The following ABTB2 variants were observed in gnomAD, a reference collection of about 807,000 sequenced individuals.
ABTB2 encodes the protein ankyrin repeat and BTB/POZ domain-containing protein 2.
ABTB2 carries 56 observed loss-of-function variants against 104.1 expected under a neutral mutation model. The observed-to-expected ratio is 0.54, with a 90% CI of 0.43 to 0.67. The LOEUF is 0.67. Among genes scored for constraint, ABTB2 ranks in the 30% least tolerant of loss-of-function variants. The pLI is 0.00. For synonymous variants in ABTB2, 606 were observed against 608.2 expected (o/e 1.00, Z 0.05); for missense variants, 1,279 against 1,407.7 (o/e 0.91, Z 1.46).
At chr11:34,329,336 C>T (rs1026801886) in intron 1 of ABTB2, among the ~76,000 whole-genome samples, 13 of 152,138 alleles carry the variant, frequency 8.5e-5, no homozygotes, top group African/African-American at 3.1e-4. Flanking sequence ...TTTTCCACTC[C>T]ACTTCCTTCC....
chr11:34,278,585 C>T (rs897272741), intron 1 of ABTB2, among the ~76,000 whole-genome samples: 3 of 152,130 alleles, frequency 2.0e-5, no homozygotes, highest in African/African-American at 7.2e-5. Flanking sequence ...ATGTGCTGGC[C>T]TCCATTTTGA....
chr11:34,346,633 T>G (rs1855335684), intron 1 of ABTB2, among the ~76,000 whole-genome samples: 1 of 152,188 alleles, frequency 6.6e-6, no homozygotes, highest in African/African-American at 2.4e-5. Context: ...GGAAAATGAC[T>G]GCACAGTGTC....
chr11:34,334,831 G>A (rs1267826482), intron 1 of ABTB2, among the ~76,000 whole-genome samples: 1 of 151,370 alleles, frequency 6.6e-6, no homozygotes, highest in East Asian at 1.9e-4. Context: ...TTAAAACTGA[G>A]GCCTTTTTCC....
At position 34,165,243 on chromosome 11, in the gene ABTB2, G is replaced by A. The variant is rs760247493; in HGVS notation, c.1852+17C>T. 1.9e-5 allele frequency: 30 copies of A among 1,539,394 alleles called. No homozygotes were observed. In the Admixed American group the frequency reaches 2.4e-4, roughly 12 times the overall value. On this transcript the variant is annotated intron_variant, in intron 8 of 16. Coordinates refer to ENST00000435224, the MANE Select transcript of ABTB2 (RefSeq NM_145804.3). ...GCAGGGAAGGGTAGACAGAGCCTCC[G>A]GGTAGCAGGTGCCTACCTGCCGCAG...
chr11:34,206,141 C>G (rs761073426), intron 1 of ABTB2, among the ~76,000 whole-genome samples: 1 of 152,184 alleles, frequency 6.6e-6, no homozygotes, highest in East Asian at 1.9e-4. Flanking sequence ...GGGTAAATCA[C>G]TTGAGGTCAG....
intron 5 of ABTB2, among the ~76,000 whole-genome samples, chr11:34,168,238 C>T (rs781050577): frequency 2.7e-4 from 41 of 152,336 alleles, no homozygotes; most frequent in Non-Finnish European, 5.0e-4. Flanking sequence ...CAGCCAGGCT[C>T]GGTGCCAAGG....
chr11:34,204,466 G>T, intron 2 of ABTB2, 78 bp downstream of exon 2: 1 of 1,468,630 alleles, frequency 6.8e-7, no homozygotes, highest in South Asian at 1.4e-5. Context: ...AGGAGGAGGC[G>T]AGCTCTCCCT....
At position 34,151,673 on chromosome 11, in the gene ABTB2, A is replaced by AGAAAC; in HGVS notation, c.*709_*713dup. Reference sequence around the variant, plus strand: ...TGCCCCTCCATGCCAGACTTAGCTCAGAAACCATCAAGCTGGGGAACTGCC... The same window carrying AGAAAC: ...TGCCCCTCCATGCCAGACTTAGCTCAGAAACGAAACCATCAAGCTGGGGAACTGCC... On this transcript the variant is annotated 3_prime_UTR_variant, in exon 17 of 17. Transcript: ENST00000435224. 6.6e-6 allele frequency: 1 copy of AGAAAC among 152,472 alleles called. No homozygotes were observed. The highest frequency in any genetic ancestry group is 1.9e-4 in the East Asian group (1 of 5,180). 9.4% of individuals were successfully genotyped at this position (152,472 alleles called of 1,614,324 possible). A position where few individuals can be genotyped will look rare whatever the true frequency, so the allele number is the denominator to read the frequency against.
intron 1 of ABTB2, chr11:34,335,797 T>TGGGATCCCAG: frequency 7.4e-7 from 1 of 1,359,986 alleles, no homozygotes; most frequent in South Asian, 1.2e-5. Context: ...CTTGAACCTC[T>TGGGATCCCAG]GATCTTGAGG....
At chr11:34,253,403 C>T (rs1282540768) in intron 1 of ABTB2, among the ~76,000 whole-genome samples, 3 of 152,230 alleles carry the variant, frequency 2.0e-5, no homozygotes. Flanking sequence ...CAAGGCTGGG[C>T]ACAGTGGCTC....
chr11:34,341,868 G>A (rs894443477), intron 1 of ABTB2, among the ~76,000 whole-genome samples: 11 of 152,236 alleles, frequency 7.2e-5, no homozygotes, highest in Middle Eastern at 6.8e-3. Flanking sequence ...AGAGAGAAAT[G>A]GCCATTTCCA....
intron 2 of ABTB2, among the ~76,000 whole-genome samples, chr11:34,198,740 C>T (rs1420955929): frequency 1.3e-5 from 2 of 152,214 alleles, no homozygotes; most frequent in Non-Finnish European, 2.9e-5. Flanking sequence ...ATCTCACCAG[C>T]CCCAGACAGG....
At chr11:34,339,816 C>T (rs1343669873) in intron 1 of ABTB2, among the ~76,000 whole-genome samples, 2 of 152,134 alleles carry the variant, frequency 1.3e-5, no homozygotes, top group Admixed American at 6.5e-5. Context: ...TGTTGGCAAA[C>T]GAGTGGCAAT....
At chr11:34,187,933 G>T (rs1853122891) in intron 3 of ABTB2, among the ~76,000 whole-genome samples, 1 of 152,188 alleles carries the variant, frequency 6.6e-6, no homozygotes, top group African/African-American at 2.4e-5. Flanking sequence ...AATGTTTCTG[G>T]ATTGCTTGTT....
intron 1 of ABTB2, among the ~76,000 whole-genome samples, chr11:34,307,451 C>T (rs937063003): frequency 2.0e-5 from 3 of 152,216 alleles, no homozygotes; most frequent in African/African-American, 7.2e-5. Context: ...CTCACACCCC[C>T]AGCACTGAGC....
chr11:34,300,085 G>C (rs984474866), intron 1 of ABTB2, among the ~76,000 whole-genome samples: 1 of 152,152 alleles, frequency 6.6e-6, no homozygotes, highest in East Asian at 1.9e-4. Flanking sequence ...GGTGAGGAAG[G>C]GTTCTCTTTT....
rs1455695009 is a variant in ABTB2, at chr11:34,280,386, GCAC to G, written c.884-75699_884-75697del. Among the ~76,000 whole-genome samples the G allele has an allele frequency of 2.6e-5, 4 of 152,220 alleles. No homozygotes were observed. In the East Asian group the frequency reaches 7.7e-4, roughly 29 times the overall value. ...CCCAACAGGTAGGTTTGAGGAGAGA[GCAC>G]CACTGGGTCCTCACTGTACCCATTC... On this transcript the variant is annotated intron_variant, in intron 1 of 16. Coordinates refer to ENST00000435224, the MANE Select transcript of ABTB2 (RefSeq NM_145804.3).
At chr11:34,258,106 C>T (rs1184568075) in intron 1 of ABTB2, among the ~76,000 whole-genome samples, 2 of 152,106 alleles carry the variant, frequency 1.3e-5, no homozygotes, top group Admixed American at 6.5e-5. Flanking sequence ...ACTGTCAGGA[C>T]CCGCCTCAAT....
At chr11:34,341,303 AGG>A (rs1855259776) in intron 1 of ABTB2, among the ~76,000 whole-genome samples, 1 of 152,224 alleles carries the variant, frequency 6.6e-6, no homozygotes, top group Admixed American at 6.5e-5. Flanking sequence ...CCTTGTGTCA[AGG>A]GTCCAGAGGT....
Sources: allele counts gnomAD v4.1 joint callset (sites outside exome capture counted in the v4.1 genomes callset), GRCh38; gene constraint gnomAD v4.1.1; transcripts MANE v1.5; gene names NCBI Gene and HGNC (gene_info 2026-07-23, HGNC 2026-07-21).